LRRC37A2: variants seen among roughly 807,000 people sequenced by gnomAD.
LRRC37A2 encodes leucine rich repeat containing 37 member A2, also known as leucine-rich repeat-containing protein 37A2.
In LRRC37A2, 9 loss-of-function variants were observed where a neutral mutation model predicts 68.8. The observed-to-expected ratio is 0.13, with a 90% confidence interval of 0.08 to 0.23. The LOEUF (loss-of-function observed/expected upper bound fraction) is 0.23. LRRC37A2 is among the 10% of genes least tolerant of loss of function. The probability of loss-of-function intolerance (pLI) is 1.00; values close to 1 mark genes in which losing one functional copy is unlikely to be tolerated. For missense variants in LRRC37A2, 168 were observed against 950.4 expected, an observed-to-expected ratio of 0.18 and a Z score of 10.82; for synonymous variants, 63 against 367.6, an observed-to-expected ratio of 0.17 and a Z score of 9.48.
the LRRC37A2 span, among the ~76,000 whole-genome samples, chr17:46,917,603 T>G: frequency 6.6e-6 from 1 of 152,192 alleles, no homozygotes; most frequent in Non-Finnish European, 1.5e-5. Context: ...TGCATACTGG[T>G]AGGACTACAG....
the LRRC37A2 span, among the ~76,000 whole-genome samples, chr17:46,784,993 G>A: frequency 3.3e-5 from 5 of 152,038 alleles, no homozygotes; most frequent in Non-Finnish European, 7.4e-5. Context: ...TAGCCAGGAT[G>A]GTCTCGATCT....
the LRRC37A2 span, among the ~76,000 whole-genome samples, chr17:46,849,534 G>A: frequency 2.0e-5 from 3 of 152,166 alleles, no homozygotes; most frequent in Non-Finnish European, 4.4e-5. Context: ...GTCCAGCTCA[G>A]GCCCCTCATC....
At chr17:46,905,449 C>T in the LRRC37A2 span, among the ~76,000 whole-genome samples, 2 of 152,218 alleles carry the variant, frequency 1.3e-5, no homozygotes, top group African/African-American at 2.4e-5. Context: ...GAATAACCCA[C>T]TTCCAGCAAG....
the LRRC37A2 span, among the ~76,000 whole-genome samples, chr17:46,953,414 A>G: frequency 2.7e-4 from 41 of 152,308 alleles, no homozygotes; most frequent in Non-Finnish European, 4.3e-4. Flanking sequence ...TCCGTGGTGT[A>G]TATGTGCCAC....
At chr17:46,834,090 G>T in the LRRC37A2 span, among the ~76,000 whole-genome samples, 1 of 152,192 alleles carries the variant, frequency 6.6e-6, no homozygotes, top group Non-Finnish European at 1.5e-5. Context: ...AGCTACTCGG[G>T]AGGCTGAGGG....
the LRRC37A2 span, among the ~76,000 whole-genome samples, chr17:46,747,522 T>C: frequency 6.6e-6 from 1 of 152,176 alleles, no homozygotes; most frequent in African/African-American, 2.4e-5. Flanking sequence ...TCAAGTGATC[T>C]GTCCATCTCA....
At chr17:46,982,421 G>C in the LRRC37A2 span, among the ~76,000 whole-genome samples, 1 of 152,346 alleles carries the variant, frequency 6.6e-6, no homozygotes, top group East Asian at 1.9e-4. Flanking sequence ...TGAGGAGGCT[G>C]ACATGATGGC....
the LRRC37A2 span, among the ~76,000 whole-genome samples, chr17:46,815,852 C>T: frequency 6.6e-6 from 1 of 152,136 alleles, no homozygotes; most frequent in African/African-American, 2.4e-5. Context: ...CATGGCTGCC[C>T]ACCAAACACC....
the LRRC37A2 span, among the ~76,000 whole-genome samples, chr17:47,005,243 T>C: frequency 6.6e-6 from 1 of 152,246 alleles, no homozygotes; most frequent in Non-Finnish European, 1.5e-5. Flanking sequence ...AGTTCATTTA[T>C]TTTGTTTTAT....
At chr17:46,862,879 C>CCA in the LRRC37A2 span, among the ~76,000 whole-genome samples, 1 of 152,224 alleles carries the variant, frequency 6.6e-6, no homozygotes, top group East Asian at 1.9e-4. Flanking sequence ...CCACTGTGTA[C>CCA]CAGGCCTAAG....
chr17:46,704,682 A>G, the LRRC37A2 span: 1 of 1,533,834 alleles, frequency 6.5e-7, no homozygotes, highest in Non-Finnish European at 8.7e-7. Flanking sequence ...CTCAAGAGTT[A>G]CGTTCTTAAA....
chr17:46,462,076 C>T, the LRRC37A2 span, among the ~76,000 whole-genome samples: 2 of 81,410 alleles, frequency 2.5e-5, no homozygotes, highest in Admixed American at 2.5e-4. Flanking sequence ...TGTGCCCAAA[C>T]TTTTCCAAAG....
At chr17:46,834,560 C>T in the LRRC37A2 span, among the ~76,000 whole-genome samples, 11 of 152,278 alleles carry the variant, frequency 7.2e-5, no homozygotes, top group African/African-American at 2.4e-4. Context: ...ATCTCAAGAA[C>T]GGTCAACTCT....
the LRRC37A2 span, among the ~76,000 whole-genome samples, chr17:46,754,337 AAAAG>A: frequency 1.1e-4 from 16 of 152,184 alleles, no homozygotes; most frequent in Middle Eastern, 3.4e-3. Context: ...TCTTAAAAAA[AAAAG>A]AAAGAAAAGA....
the LRRC37A2 span, among the ~76,000 whole-genome samples, chr17:46,708,877 T>C: frequency 7.1e-6 from 1 of 141,754 alleles, no homozygotes; most frequent in Admixed American, 7.5e-5. Context: ...CAGGCTGGAG[T>C]GCAGTGGCGC....
the LRRC37A2 span, among the ~76,000 whole-genome samples, chr17:46,825,185 A>T: frequency 2.0e-5 from 3 of 152,172 alleles, no homozygotes; most frequent in African/African-American, 7.2e-5. Flanking sequence ...CTACCTGAGG[A>T]GTTAGAGCCA....
the LRRC37A2 span, among the ~76,000 whole-genome samples, chr17:46,904,225 T>C: frequency 2.2e-5 from 3 of 138,956 alleles, no homozygotes; most frequent in South Asian, 6.9e-4. Context: ...GGAAGGTGGG[T>C]AGATGGATGT....
At chr17:46,879,441 T>C in the LRRC37A2 span, among the ~76,000 whole-genome samples, 1 of 152,238 alleles carries the variant, frequency 6.6e-6, no homozygotes, top group Non-Finnish European at 1.5e-5. Context: ...CTTCTTCTGC[T>C]CTGGCAAAAG....
the LRRC37A2 span, among the ~76,000 whole-genome samples, chr17:46,738,947 C>CA: frequency 6.7e-6 from 1 of 150,292 alleles, no homozygotes; most frequent in Admixed American, 6.6e-5. Context: ...ACTAAAAATA[C>CA]AAAAAAGTCC....
Sources: gnomAD v4.1 joint callset for allele counts (sites outside exome capture counted in the v4.1 genomes callset) on GRCh38, gnomAD v4.1.1 for gene constraint, MANE v1.5 for transcripts, NCBI Gene and HGNC (gene_info 2026-07-23, HGNC 2026-07-21) for gene names.